The following PHF14 variants were observed in gnomAD, a reference collection of about 807,000 sequenced individuals.
The protein encoded by PHF14 is PHD finger protein 14.
Under a neutral mutation model 117.9 loss-of-function variants are expected in PHF14, and 55 were observed. That is an observed-to-expected ratio of 0.47 (90% CI 0.38 to 0.58). PHF14 has a LOEUF of 0.58. Among genes scored for constraint, PHF14 ranks in the 20% least tolerant of loss-of-function variants. The pLI is 0.00. For synonymous variants in PHF14, 409 were observed against 368.6 expected (o/e 1.11, Z -1.26); for missense variants, 978 against 1,122.2 (o/e 0.87, Z 1.84).
In PHF14 at chr7:11,085,524, A is replaced by G. The variant is rs1395368791; in HGVS notation, c.2654+23439A>G. On this transcript the variant is annotated intron_variant, in intron 16 of 17. Coordinates refer to ENST00000634607, the MANE Select transcript of PHF14 (RefSeq NM_001007157.2). Reference sequence around the variant, plus strand: ...CTATTGTAGATGTCAGTGGTGAACAATGAATTGCTAAATTTAATCGTTTTT... The same window carrying G: ...CTATTGTAGATGTCAGTGGTGAACAGTGAATTGCTAAATTTAATCGTTTTT... Among the ~76,000 whole-genome samples the G allele has an allele frequency of 2.0e-5, 3 of 152,220 alleles. No homozygotes were observed. The South Asian group carries it at 6.2e-4, about 31-fold the overall frequency.
chr7:11,048,424 T>C (rs1328889168), intron 13 of PHF14, among the ~76,000 whole-genome samples: 1 of 151,890 alleles, frequency 6.6e-6, no homozygotes, highest in African/African-American at 2.4e-5. Context: ...ATACAAAAAT[T>C]AGCCAGGCAT....
chr7:10,974,961 T>A lies in PHF14; in HGVS notation c.112+16T>A. ...GATGCCTCAGGTAAATATTTCCTTCTCTCTTCCCCTTTCCCAGCTTTCTGG... is the reference window on the plus strand; with the variant it reads ...GATGCCTCAGGTAAATATTTCCTTCACTCTTCCCCTTTCCCAGCTTTCTGG... On this transcript the variant is annotated intron_variant, in intron 2 of 17. Coordinates refer to ENST00000634607, the MANE Select transcript of PHF14 (RefSeq NM_001007157.2). 1 of 1,215,424 alleles carries A rather than the reference T, an allele frequency of 8.2e-7. No individual in the cohort carries two copies. The highest frequency in any genetic ancestry group is 1.2e-6 in the Non-Finnish European group (1 of 837,896). The allele number at this position is 1,215,424 out of a possible 1,614,324, so 75.3% of individuals were successfully genotyped here.
intron 16 of PHF14, among the ~76,000 whole-genome samples, chr7:11,081,996 A>G (rs1356815432): frequency 6.6e-6 from 1 of 152,178 alleles, no homozygotes; most frequent in Non-Finnish European, 1.5e-5. Context: ...AAAAGCTAAT[A>G]GTGTACGTAG....
At chr7:11,087,747 G>A (rs1786474795) in intron 16 of PHF14, among the ~76,000 whole-genome samples, 1 of 152,076 alleles carries the variant, frequency 6.6e-6, no homozygotes, top group Non-Finnish European at 1.5e-5. Context: ...TGTGTGTGGT[G>A]TGTGTGTGAT....
At chr7:11,035,954 A>G (rs1320458537) in intron 8 of PHF14, among the ~76,000 whole-genome samples, 168 bp downstream of exon 8, 1 of 152,184 alleles carries the variant, frequency 6.6e-6, no homozygotes, top group Non-Finnish European at 1.5e-5. Context: ...TTGGCTGAAT[A>G]CAGTACTCCT....
intron 4 of PHF14, among the ~76,000 whole-genome samples, chr7:11,000,171 G>A (rs567793404): frequency 1.3e-5 from 2 of 151,932 alleles, no homozygotes; most frequent in South Asian, 4.2e-4. Flanking sequence ...TCAAAAATAC[G>A]TTTTGACTTA....
chr7:11,017,037 TA>T (rs775244854), intron 5 of PHF14, among the ~76,000 whole-genome samples: 10 of 152,222 alleles, frequency 6.6e-5, no homozygotes, highest in Non-Finnish European at 1.3e-4. Context: ...TCACCTAACA[TA>T]ATGATCTCTA....
chr7:11,089,109 C>G (rs1040505536), intron 16 of PHF14, among the ~76,000 whole-genome samples: 1 of 151,258 alleles, frequency 6.6e-6, no homozygotes, highest in Non-Finnish European at 1.5e-5. Context: ...AAAAAAAAAC[C>G]GTAGCCCTGA....
chr7:11,105,314 T>C (rs1426735403), intron 16 of PHF14: 1 of 941,414 alleles, frequency 1.1e-6, no homozygotes, highest in Non-Finnish European at 1.3e-6. Flanking sequence ...TGCTGACCAA[T>C]AAATAATAAA....
rs575797241 is a variant in PHF14 at position 11,051,093 on chromosome 7, T to G, written c.2313-519T>G. ...CTTGCTCATGTTACCCAGGCTGGAG[T>G]GCAGTGTTGAGATCATAGCTCACTG... On this transcript the variant is annotated intron_variant, in intron 13 of 17. Transcript: ENST00000634607. Among the ~76,000 whole-genome samples the G allele has an allele frequency of 2.0e-5, 3 of 152,128 alleles. No homozygotes were observed. In the South Asian group the frequency reaches 6.2e-4, roughly 32 times the overall value.
chr7:11,102,397 T>C, intron 16 of PHF14: 1 of 1,387,190 alleles, frequency 7.2e-7, no homozygotes, highest in East Asian at 2.4e-5. Flanking sequence ...GAATCTACTG[T>C]GGTTTGTTAG....
chr7:11,112,961 G>A (rs1360375637), intron 17 of PHF14, among the ~76,000 whole-genome samples: 1 of 151,904 alleles, frequency 6.6e-6, no homozygotes, highest in African/African-American at 2.4e-5. Context: ...TTATTGCACA[G>A]TTCAAAAATG....
chr7:11,031,708 C>T (rs997163892), intron 7 of PHF14, among the ~76,000 whole-genome samples: 1 of 151,912 alleles, frequency 6.6e-6, no homozygotes, highest in Non-Finnish European at 1.5e-5. Context: ...GAACTATGTT[C>T]TCACCACTGC....
intron 17 of PHF14, among the ~76,000 whole-genome samples, chr7:11,146,377 C>G (rs904325403): frequency 2.0e-5 from 3 of 151,920 alleles, no homozygotes; most frequent in Admixed American, 6.6e-5. Context: ...CTAACCTTAT[C>G]CTCATCCCTT....
chr7:11,076,369 G>A (rs191315371), intron 16 of PHF14, among the ~76,000 whole-genome samples: 4 of 152,110 alleles, frequency 2.6e-5, no homozygotes, highest in Non-Finnish European at 5.9e-5. Context: ...TGTTCTTTGA[G>A]GCTTCAGTGC....
At chr7:11,162,925 G>A (rs976773171) in intron 17 of PHF14, among the ~76,000 whole-genome samples, 2 of 152,086 alleles carry the variant, frequency 1.3e-5, no homozygotes, top group Non-Finnish European at 2.9e-5. Flanking sequence ...TACTCAATCT[G>A]CTCCAGAATC....
intron 4 of PHF14, among the ~76,000 whole-genome samples, chr7:11,005,844 G>T (rs1487656715): frequency 7.8e-6 from 1 of 128,086 alleles, no homozygotes; most frequent in Non-Finnish European, 1.5e-5. Flanking sequence ...CCAGGCTACA[G>T]TGCAAAGGTG....
At chr7:11,104,657 G>A in intron 16 of PHF14, 2 of 971,680 alleles carry the variant, frequency 2.1e-6, no homozygotes, top group Non-Finnish European at 2.4e-6. Context: ...GCAAGTAGTG[G>A]TTCTCAAACG....
chr7:11,167,213 C>T (rs913313815), intron 17 of PHF14, among the ~76,000 whole-genome samples: 19 of 152,080 alleles, frequency 1.2e-4, no homozygotes, highest in East Asian at 9.6e-4. Context: ...GGAAGTCATA[C>T]GGTGGAGAAA....
Sources: gnomAD v4.1 joint callset for allele counts (sites outside exome capture counted in the v4.1 genomes callset) on GRCh38, gnomAD v4.1.1 for gene constraint, MANE v1.5 for transcripts, NCBI Gene and HGNC (gene_info 2026-07-23, HGNC 2026-07-21) for gene names.